The following COL11A2 variants were observed in gnomAD, a reference collection of about 807,000 sequenced individuals.
COL11A2 encodes collagen type XI alpha 2 chain, also known as collagen alpha-2(XI) chain.
Under a neutral mutation model 273.4 loss-of-function variants are expected in COL11A2, and 116 were observed. The ratio of observed to expected loss-of-function variants is 0.42; its 90% CI spans 0.36 to 0.49. The LOEUF (loss-of-function observed/expected upper bound fraction) is 0.49, where lower values mean the gene tolerates loss of function less well. Among genes scored for constraint, COL11A2 ranks in the 20% least tolerant of loss-of-function variants. COL11A2 has a pLI of 0.00. For synonymous variants in COL11A2, 782 were observed against 864.2 expected (o/e 0.90, Z 1.67); for missense variants, 1,866 against 2,309.0 (o/e 0.81, Z 3.93).
chr6:33,185,365 G>A (rs889029881), intron 6 of COL11A2, among the ~76,000 whole-genome samples: 2 of 152,152 alleles, frequency 1.3e-5, no homozygotes, highest in Non-Finnish European at 2.9e-5. Context: ...ATCGGGAAAG[G>A]GGAGGCTGCT....
rs370680294 is a variant in COL11A2, at chr6:33,179,124, G to A, written c.1560C>T (p.Gly520=). ...CTGTGAGGCCCTGAGGTCCTCTGGG[G>A]CCCTGGTGAGAGGAGAGATGGGGTG... is the stretch of plus-strand genomic sequence containing the variant. The part of the protein sequence containing the change: ...KGESGDLGPQ[G]PRGPQGLTGP... Residue 520 remains glycine (G), a splice_region_variant and synonymous_variant, in exon 16 of 66, where the codon GGC becomes GGT. Coordinates refer to ENST00000341947, the MANE Select transcript of COL11A2 (RefSeq NM_080680.3). The surrounding 1 kb of genome is among the most constrained non-coding windows in gnomAD (Gnocchi z 6.4). 6.2e-7 allele frequency: 1 copy of A among 1,613,786 alleles called. No individual in the cohort carries two copies.
chr6:33,185,637 C>G (rs1190850701), intron 6 of COL11A2, 64 bp downstream of exon 6: 2 of 701,912 alleles, frequency 2.8e-6, no homozygotes, highest in African/African-American at 1.8e-5. Flanking sequence ...GGAAGGTGTC[C>G]TAGGAGATGA....
chr6:33,191,086 T>C (rs916015685), intron 1 of COL11A2, among the ~76,000 whole-genome samples: 2 of 152,068 alleles, frequency 1.3e-5, no homozygotes, highest in Non-Finnish European at 2.9e-5. Context: ...ACTCAGCCCC[T>C]GAAATAAGAA....
chr6:33,185,071 AAGG>A lies in COL11A2; in HGVS notation c.877-20_877-18del, dbSNP rs1354684541. 2.6e-6 allele frequency: 4 copies of A among 1,544,156 alleles called. No individual in the cohort carries two copies. The highest frequency in any genetic ancestry group is 3.5e-6 in the Non-Finnish European group (4 of 1,140,460). On this transcript the variant is annotated intron_variant, in intron 6 of 65. Transcript: ENST00000341947. ...GGTGGGGTCCTGACCCCAAGGAGAG[AAGG>A]AGAAGAGTAGCACGGGGTGGGAAGG...
At chr6:33,175,378 GGACTTTTCCCT>G in intron 30 of COL11A2, 185 bp downstream of exon 30, 1 of 696,214 alleles carries the variant, frequency 1.4e-6, no homozygotes. Flanking sequence ...TTCGTGTCAG[GGACTTTTCCCT>G]GACTTCTTAT....
Position 33,173,331 on chromosome 6 carries a change from C to T in COL11A2, c.2736+17G>A. On this transcript the variant is annotated intron_variant, in intron 37 of 65. Transcript: ENST00000341947. This position sits in a 1 kb window ranked among gnomAD's most constrained non-coding sequence, Gnocchi z 6.3. ...GATGGAGCCCCCTGAGAATGGGTAG[C>T]CAGGAGCATCACTCACCACTTCTCC... 1.2e-6 allele frequency: 2 copies of T among 1,611,158 alleles called. No individual in the cohort carries two copies. Among genetic ancestry groups the T allele is most frequent in the African/African-American group, 1.3e-5 (1 of 74,922 alleles).
Position 33,168,506 on chromosome 6 carries a change from C to G in COL11A2, c.3960+13G>C. 6.2e-7 allele frequency: 1 copy of G among 1,613,412 alleles called. No homozygotes were observed. The highest frequency in any genetic ancestry group is 1.1e-5 in the South Asian group (1 of 91,080). On this transcript the variant is annotated intron_variant, in intron 54 of 65. Transcript: ENST00000341947. ...GACTGCCTCCCAAGGTCTCAGGGGT[C>G]CACCTCACTTACTCGCTTTCCAAGT...
At position 33,176,978 on chromosome 6, in the gene COL11A2, G is replaced by A; in HGVS notation, c.2070+14C>T. ...GCCAAGGGGAACTGGATTCGGAAGT[G>A]GGGTCCCACTCACCGGGGGTCCGTC... On this transcript the variant is annotated intron_variant, in intron 25 of 65. Coordinates refer to ENST00000341947, the MANE Select transcript of COL11A2 (RefSeq NM_080680.3). This position sits in a 1 kb window ranked among gnomAD's most constrained non-coding sequence, Gnocchi z 4.9. 1 of 1,609,250 alleles carries A rather than the reference G, an allele frequency of 6.2e-7. No homozygotes were observed. The highest frequency in any genetic ancestry group is 8.5e-7 in the Non-Finnish European group (1 of 1,178,054).
chr6:33,163,233 G>A lies in COL11A2; in HGVS notation c.*445C>T, dbSNP rs2150506186. 2 of 211,406 alleles carry A rather than the reference G, an allele frequency of 9.5e-6. No individual in the cohort carries two copies. The highest frequency in any genetic ancestry group is 1.5e-4 in the South Asian group (2 of 13,218). The allele number at this position is 211,406 out of a possible 1,614,324, so 13.1% of individuals were successfully genotyped here. On this transcript the variant is annotated 3_prime_UTR_variant, in exon 66 of 66. Transcript: ENST00000341947. This position sits in a 1 kb window ranked among gnomAD's most constrained non-coding sequence, Gnocchi z 4.1. ...TCACTGAGGAAAGTCCTGACTCCAG[G>A]ATGTGGGTGCCGGAGCCCACCCCCG...
rs949831365 is a variant in COL11A2, at chr6:33,189,709, C to T, written c.83-240G>A. ...ACACTCCTGCCCCTGTCTCTCCTAG[C>T]ATCTGCCTCTCTTACGCTCTCTCTT... On this transcript the variant is annotated intron_variant, in intron 1 of 65. Transcript: ENST00000341947. The surrounding 1 kb of genome is among the most constrained non-coding windows in gnomAD (Gnocchi z 5.6). Among the ~76,000 whole-genome samples the T allele has an allele frequency of 1.3e-5, 2 of 152,180 alleles. No individual in the cohort carries two copies. The highest frequency in any genetic ancestry group is 2.9e-5 in the Non-Finnish European group (2 of 68,018).
chr6:33,181,364 T>A (rs1771714124), intron 8 of COL11A2, among the ~76,000 whole-genome samples, 194 bp from the exon 9 acceptor site: 1 of 135,652 alleles, frequency 7.4e-6, no homozygotes, highest in African/African-American at 2.8e-5. Flanking sequence ...ACCTCAGGGT[T>A]CCCTGCCCCC....
chr6:33,180,179 G>T lies in COL11A2; in HGVS notation c.1359+79C>A, dbSNP rs1288040491. On this transcript the variant is annotated intron_variant, in intron 12 of 65. Transcript: ENST00000341947. ...TTAGAGACTCCTCCATATCTTTCCT[G>T]CCCATCTGGTTCTTGGTAACATGAC... 6 of 1,358,942 alleles carry T rather than the reference G, an allele frequency of 4.4e-6. No individual in the cohort carries two copies. The East Asian group carries it at 6.9e-5, about 16-fold the overall frequency. The allele number at this position is 1,358,942 out of a possible 1,614,324, so 84.2% of individuals were successfully genotyped here.
At position 33,165,921 on chromosome 6, in the gene COL11A2, C is replaced by A; in HGVS notation, c.4482+10G>T. 6.2e-7 allele frequency: 1 copy of A among 1,613,936 alleles called. No homozygotes were observed. ...TACGGCCCTGGGAGCAGCCCTGACTCCTCACTCACCGGGTGTCCTGGAGGG... is the reference window on the plus strand; with the variant it reads ...TACGGCCCTGGGAGCAGCCCTGACTACTCACTCACCGGGTGTCCTGGAGGG... On this transcript the variant is annotated intron_variant, in intron 62 of 65. Transcript: ENST00000341947. This position sits in a 1 kb window ranked among gnomAD's most constrained non-coding sequence, Gnocchi z 7.7.
At position 33,184,233 on chromosome 6, in the gene COL11A2, T is replaced by C. The variant is rs977981910; in HGVS notation, c.1031A>G (p.Tyr344Cys). The C allele has an allele frequency of 7.3e-7, 1 of 1,367,624 alleles. No individual in the cohort carries two copies. The highest frequency in any genetic ancestry group is 9.8e-7 in the Non-Finnish European group (1 of 1,021,988). 84.7% of individuals were successfully genotyped at this position (1,367,624 alleles called of 1,614,324 possible). Reference sequence around the variant, plus strand: ...ATCCCCATAGCCATAGGTGTAATCGTAGGGCCCTTCAGGGGGGTCTGTGCC... The same window carrying C: ...ATCCCCATAGCCATAGGTGTAATCGCAGGGCCCTTCAGGGGGGTCTGTGCC... ...EGGTDPPEGP[Y>C]DYTYGYGDDY... Residue 344 changes from tyrosine (Y) to cysteine (C), a missense_variant, in exon 8 of 66, where the codon TAC (tyrosine) becomes TGC (cysteine). By Grantham distance (194) the Tyr-to-Cys change is radical (BLOSUM62 -2). Transcript: ENST00000341947.
intron 52 of COL11A2, 92 bp downstream of exon 52, chr6:33,168,863 C>T: frequency 6.2e-7 from 1 of 1,602,016 alleles, no homozygotes; most frequent in Non-Finnish European, 8.5e-7. Context: ...ATACCCCCGG[C>T]TTCCCAATAC....
In COL11A2 at chr6:33,187,177, A is replaced by G. The variant is rs150409107; in HGVS notation, c.607-359T>C. Among the ~76,000 whole-genome samples the G allele has an allele frequency of 2.6e-5, 4 of 152,294 alleles. No individual in the cohort carries two copies. In the East Asian group the frequency reaches 7.7e-4, roughly 29 times the overall value. ...TCCCCTCTGCGCTTTGTGGCAATGC[A>G]TGAGCCCTTCCACAGTGGCTTCCAG... On this transcript the variant is annotated intron_variant, in intron 4 of 65. Transcript: ENST00000341947.
chr6:33,178,849 TC>T lies in COL11A2; in HGVS notation c.1665+70del. Reference sequence around the variant, plus strand: ...TGGGGAAGCCTGGAGAACTAGGTCATCCCCAAGAAACAACTGAGCCCAGCGT... The same window carrying T: ...TGGGGAAGCCTGGAGAACTAGGTCATCCCAAGAAACAACTGAGCCCAGCGT... On this transcript the variant is annotated intron_variant, in intron 17 of 65. Transcript: ENST00000341947. The surrounding 1 kb of genome is among the most constrained non-coding windows in gnomAD (Gnocchi z 4.6). The T allele has an allele frequency of 6.2e-7, 1 of 1,610,154 alleles. No individual in the cohort carries two copies. Among genetic ancestry groups the T allele is most frequent in the Non-Finnish European group, 8.5e-7 (1 of 1,177,408 alleles).
Position 33,177,080 on chromosome 6 carries a change from G to C in COL11A2, c.2017-35C>G. 1.9e-6 allele frequency: 3 copies of C among 1,612,722 alleles called. No homozygotes were observed. Among genetic ancestry groups the C allele is most frequent in the Non-Finnish European group, 2.5e-6 (3 of 1,179,860 alleles). ...GACAAAGAGGCTCAGGGTCACTAGA[G>C]GGGTCATGTCTGGACACAGACAAAA... On this transcript the variant is annotated intron_variant, in intron 24 of 65. Transcript: ENST00000341947. The surrounding 1 kb of genome is among the most constrained non-coding windows in gnomAD (Gnocchi z 5.9).
chr6:33,173,678 G>A lies in COL11A2; in HGVS notation c.2628+23C>T. On this transcript the variant is annotated intron_variant, in intron 35 of 65. Coordinates refer to ENST00000341947, the MANE Select transcript of COL11A2 (RefSeq NM_080680.3). This position sits in a 1 kb window ranked among gnomAD's most constrained non-coding sequence, Gnocchi z 6.3. ...AGGCTCCCTGGGGACCTCAGGGGAAGGGGACTTTCGATCCACACTCACCCT... is the reference window on the plus strand; with the variant it reads ...AGGCTCCCTGGGGACCTCAGGGGAAAGGGACTTTCGATCCACACTCACCCT... 6.4e-7 allele frequency: 1 copy of A among 1,562,652 alleles called. No homozygotes were observed. The highest frequency in any genetic ancestry group is 8.7e-7 in the Non-Finnish European group (1 of 1,152,388).
Sources: gnomAD v4.1 joint callset for allele counts (sites outside exome capture counted in the v4.1 genomes callset) on GRCh38, gnomAD v4.1.1 for gene constraint, Gnocchi (gnomAD v3.1) non-coding constraint, MANE v1.5 for transcripts, NCBI Gene and HGNC (gene_info 2026-07-23, HGNC 2026-07-21) for gene names.